Variants in UCHL3 observed in about 807,000 individuals in gnomAD.
UCHL3 encodes ubiquitin C-terminal hydrolase L3.
UCHL3 carries 22 observed loss-of-function variants against 35.8 expected under a neutral mutation model. The observed-to-expected ratio is 0.61, with a 90% CI of 0.44 to 0.88. The LOEUF (loss-of-function observed/expected upper bound fraction) is 0.88. Among genes scored for constraint, UCHL3 ranks in the 40% least tolerant of loss-of-function variants. The probability of loss-of-function intolerance (pLI) is 0.00; values close to 1 mark genes in which losing one functional copy is unlikely to be tolerated. For synonymous variants in UCHL3, 90 were observed against 92.8 expected (o/e 0.97, Z 0.17); for missense variants, 229 against 276.9 (o/e 0.83, Z 1.23).
intron 6 of UCHL3, among the ~76,000 whole-genome samples, chr13:75,579,127 A>G (rs1229504673): frequency 6.6e-6 from 1 of 152,124 alleles, no homozygotes; most frequent in Non-Finnish European, 1.5e-5. Context: ...AGGTGCTCAC[A>G]TATTTATTTC....
chr13:75,560,329 T>C (rs967989485), intron 2 of UCHL3, among the ~76,000 whole-genome samples: 3 of 152,208 alleles, frequency 2.0e-5, no homozygotes, highest in African/African-American at 7.2e-5. Context: ...AGCCAACTTA[T>C]ATGTATTTGA....
intron 6 of UCHL3, among the ~76,000 whole-genome samples, chr13:75,579,217 A>G (rs2032110543): frequency 6.6e-6 from 1 of 152,070 alleles, no homozygotes; most frequent in Non-Finnish European, 1.5e-5. Flanking sequence ...TTCTTAAATA[A>G]TATAAAATTT....
chr13:75,568,407 A>G (rs2031752267), intron 5 of UCHL3, among the ~76,000 whole-genome samples: 1 of 151,648 alleles, frequency 6.6e-6, no homozygotes, highest in African/African-American at 2.4e-5. Context: ...ATTATACATA[A>G]AAATAAACAT....
chr13:75,549,878 G>A lies in UCHL3; in HGVS notation c.42+16G>A, dbSNP rs778530727. ...CAATCCCGAGGTGGGCGCGCTTCGG[G>A]GCAGCCCTGGGCCGTGGGCAGGTGC... is the stretch of plus-strand genomic sequence containing the variant. On this transcript the variant is annotated intron_variant, in intron 1 of 8. Coordinates refer to ENST00000377595, the MANE Select transcript of UCHL3 (RefSeq NM_006002.5). 5 of 1,612,560 alleles carry A rather than the reference G, an allele frequency of 3.1e-6. No homozygotes were observed. The South Asian group carries it at 4.4e-5, about 14-fold the overall frequency.
chr13:75,566,618 C>T, intron 3 of UCHL3, 77 bp from the exon 4 acceptor site: 2 of 886,754 alleles, frequency 2.3e-6, no homozygotes, highest in Non-Finnish European at 3.1e-6. Context: ...TTATCATTTG[C>T]ATTTTTTCTT....
Position 75,589,538 on chromosome 13 carries a change from C to T in UCHL3, c.475-5377C>T, listed in dbSNP as rs79619454. ...TTTAAGGAATTCTTTTTTACCAATG[C>T]CTATCACCACACAGTTTTCTTCTAC... On this transcript the variant is annotated intron_variant, in intron 6 of 8. Coordinates refer to ENST00000377595, the MANE Select transcript of UCHL3 (RefSeq NM_006002.5). 5.2e-3 allele frequency among the ~76,000 whole-genome samples: 791 copies of T among 152,076 alleles called. 9 individuals carry two copies. Among genetic ancestry groups the T allele is most frequent in the African/African-American group, 0.018 (763 of 41,480 alleles).
intron 5 of UCHL3, among the ~76,000 whole-genome samples, chr13:75,567,970 T>A (rs1387686557): frequency 6.6e-6 from 1 of 152,122 alleles, no homozygotes; most frequent in Non-Finnish European, 1.5e-5. Context: ...GGAACCAGGC[T>A]GAAGATGAAA....
At chr13:75,590,177 CTTTT>C in intron 6 of UCHL3, 3 of 1,131,960 alleles carry the variant, frequency 2.7e-6, no homozygotes, top group Admixed American at 3.9e-5. Flanking sequence ...CAAGGGCTGT[CTTTT>C]TTTTTTTTTT....
intron 6 of UCHL3, among the ~76,000 whole-genome samples, chr13:75,570,420 T>A (rs966438895): frequency 3.3e-5 from 5 of 152,126 alleles, no homozygotes; most frequent in Admixed American, 6.5e-5. Context: ...GTATTTTTAG[T>A]AGAGACGGGG....
chr13:75,605,632 G>T, intron 8 of UCHL3, 97 bp from the exon 9 acceptor site: 1 of 1,225,560 alleles, frequency 8.2e-7, no homozygotes. Context: ...AGTTTGCAGT[G>T]TAAAATTAGT....
At chr13:75,590,818 C>CT (rs2032460688) in intron 6 of UCHL3, among the ~76,000 whole-genome samples, 1 of 152,268 alleles carries the variant, frequency 6.6e-6, no homozygotes, top group Non-Finnish European at 1.5e-5. Flanking sequence ...CTAATGATAT[C>CT]TGCAAACTAT....
Position 75,580,977 on chromosome 13 carries a change from T to C in UCHL3, c.474+11470T>C, listed in dbSNP as rs568839053. On this transcript the variant is annotated intron_variant, in intron 6 of 8. Transcript: ENST00000377595. Reference sequence around the variant, plus strand: ...AGGCAAATATGTAATAAGTTACAAATAGTCATTCAGAGTTGTGCCGAATAC... The same window carrying C: ...AGGCAAATATGTAATAAGTTACAAACAGTCATTCAGAGTTGTGCCGAATAC... Among the ~76,000 whole-genome samples the C allele has an allele frequency of 7.2e-5, 11 of 152,356 alleles. No homozygotes were observed. The East Asian group carries it at 1.5e-3, about 21-fold the overall frequency.
chr13:75,559,500 A>G (rs2031421271), intron 2 of UCHL3, among the ~76,000 whole-genome samples: 2 of 152,224 alleles, frequency 1.3e-5, no homozygotes, highest in South Asian at 4.1e-4. Flanking sequence ...CAAGTAGATT[A>G]TCTTCTACAA....
chr13:75,603,838 C>A (rs2032851221), intron 7 of UCHL3, among the ~76,000 whole-genome samples: 3 of 151,800 alleles, frequency 2.0e-5, no homozygotes, highest in South Asian at 4.2e-4. Flanking sequence ...GAATTATGTC[C>A]CAGGCATTGT....
intron 6 of UCHL3, chr13:75,590,114 G>A (rs890767873): frequency 1.5e-6 from 2 of 1,303,640 alleles, no homozygotes; most frequent in Non-Finnish European, 2.0e-6. Context: ...TACCATCTTT[G>A]GGTCTCCATT....
intron 7 of UCHL3, among the ~76,000 whole-genome samples, chr13:75,603,701 ATAT>A (rs1470901948): frequency 6.6e-6 from 1 of 152,098 alleles, no homozygotes; most frequent in Non-Finnish European, 1.5e-5. Context: ...ATTTTATGAT[ATAT>A]TATTGAGAAA....
At chr13:75,549,747 GGC>G, upstream of UCHL3, 2 of 1,447,648 alleles carry the variant, frequency 1.4e-6, no homozygotes, top group Non-Finnish European at 1.8e-6. Flanking sequence ...CCCAGGTCAA[GGC>G]GCGCGTGGGC....
chr13:75,601,128 A>G (rs1404644918), intron 7 of UCHL3, among the ~76,000 whole-genome samples: 1 of 152,200 alleles, frequency 6.6e-6, no homozygotes, highest in Non-Finnish European at 1.5e-5. Flanking sequence ...ACAAGTAAGG[A>G]GTTGCTTCTT....
Position 75,605,899 on chromosome 13 carries a change from C to T in UCHL3, c.*87C>T. 7.7e-7 allele frequency: 1 copy of T among 1,305,194 alleles called. No individual in the cohort carries two copies. The highest frequency in any genetic ancestry group is 1.1e-6 in the Non-Finnish European group (1 of 916,456). The allele number at this position is 1,305,194 out of a possible 1,614,324, so 80.9% of individuals were successfully genotyped here. On this transcript the variant is annotated 3_prime_UTR_variant, in exon 9 of 9. Coordinates refer to ENST00000377595, the MANE Select transcript of UCHL3 (RefSeq NM_006002.5). ...ACTAACTCAAAAATTTTGATATTTTCATTAACTTGATGATTAAACTTTATG... is the reference window on the plus strand; with the variant it reads ...ACTAACTCAAAAATTTTGATATTTTTATTAACTTGATGATTAAACTTTATG...
Sources: allele counts gnomAD v4.1 joint callset (sites outside exome capture counted in the v4.1 genomes callset), GRCh38; gene constraint gnomAD v4.1.1; transcripts MANE v1.5; gene names NCBI Gene and HGNC (gene_info 2026-07-23, HGNC 2026-07-21).